Variants in LRRTM3 observed in about 807,000 individuals in gnomAD.
LRRTM3 encodes leucine rich repeat transmembrane neuronal 3.
In LRRTM3, 24 loss-of-function variants were observed where a neutral mutation model predicts 44.7. The ratio of observed to expected loss-of-function variants is 0.54; its 90% CI spans 0.39 to 0.76. LRRTM3 has a LOEUF of 0.76. Ranked by LOEUF, LRRTM3 falls within the 30% of genes least tolerant of loss-of-function variation. The pLI is 0.00. For synonymous variants in LRRTM3, 277 were observed against 278.7 expected (o/e 0.99, Z 0.06); for missense variants, 587 against 702.2 (o/e 0.84, Z 1.85).
chr10:66,931,858 T>C (rs2132643066), intron 2 of LRRTM3, among the ~76,000 whole-genome samples: 1 of 152,350 alleles, frequency 6.6e-6, no homozygotes, highest in African/African-American at 2.4e-5. Flanking sequence ...AGAGTGCTTA[T>C]ACTCATCGAT....
chr10:67,017,725 C>CTGTG (rs10586644), intron 2 of LRRTM3, among the ~76,000 whole-genome samples: 4,975 of 147,960 alleles, frequency 0.034, 125 homozygotes, highest in Non-Finnish European at 0.041. Context: ...CAAAAATCAT[C>CTGTG]TGTGTGTGTG....
intron 2 of LRRTM3, among the ~76,000 whole-genome samples, chr10:67,055,832 C>A (rs566924315): frequency 6.6e-6 from 1 of 152,112 alleles, no homozygotes; most frequent in Non-Finnish European, 1.5e-5. Context: ...ACCTCCATAT[C>A]CCTAATGATA....
At chr10:66,978,065 TATACACACACAC>T (rs1564808018) in intron 2 of LRRTM3, among the ~76,000 whole-genome samples, 1 of 41,728 alleles carries the variant, frequency 2.4e-5, no homozygotes, top group African/African-American at 5.2e-5. Context: ...TATATATATA[TATACACACACAC>T]ACACACACAC....
intron 2 of LRRTM3, among the ~76,000 whole-genome samples, chr10:66,980,502 C>T (rs955810950): frequency 2.4e-5 from 3 of 126,604 alleles, no homozygotes; most frequent in Non-Finnish European, 3.5e-5. Flanking sequence ...CTATTGAGAC[C>T]TTCCTTCTGT....
In LRRTM3 at chr10:67,084,630, A is replaced by G. The variant is rs148689708; in HGVS notation, c.1537-12957A>G. ...ATTCATGATCAGTCCTGCCTTTCCAATCTTACTACTTGGGTAACAGATACT... is the reference window on the plus strand; with the variant it reads ...ATTCATGATCAGTCCTGCCTTTCCAGTCTTACTACTTGGGTAACAGATACT... On this transcript the variant is annotated intron_variant, in intron 2 of 2. Transcript: ENST00000361320. Among the ~76,000 whole-genome samples, 176 of 152,018 alleles carry G rather than the reference A, an allele frequency of 1.2e-3. 2 individuals are homozygous for G. The East Asian group carries it at 0.027, about 24-fold the overall frequency.
chr10:67,051,671 A>T (rs7909959), intron 2 of LRRTM3, among the ~76,000 whole-genome samples: 76,082 of 150,884 alleles, frequency 0.5, 19,540 homozygotes, highest in Middle Eastern at 0.62. Context: ...CCCAAAGTGT[A>T]GGGATTACAG....
At chr10:66,953,045 G>T (rs1848620184) in intron 2 of LRRTM3, among the ~76,000 whole-genome samples, 1 of 151,978 alleles carries the variant, frequency 6.6e-6, no homozygotes, top group Non-Finnish European at 1.5e-5. Flanking sequence ...AGAAAACAGA[G>T]CCTACTGAGA....
intron 2 of LRRTM3, among the ~76,000 whole-genome samples, chr10:67,066,865 T>C (rs1856126589): frequency 6.6e-6 from 1 of 152,224 alleles, no homozygotes; most frequent in South Asian, 2.1e-4. Flanking sequence ...CTGCCTTTAA[T>C]TTAATTTTAA....
rs1399797731 is a variant in LRRTM3, at chr10:67,100,285, G to C, written c.*2489G>C. Among the ~76,000 whole-genome samples, 1 of 151,556 alleles carries C rather than the reference G, an allele frequency of 6.6e-6. No homozygotes were observed. The highest frequency in any genetic ancestry group is 6.6e-5 in the Admixed American group (1 of 15,154). The stretch of plus-strand genomic sequence containing the variant: ...GGAACCACAGCTCTGTGCAACCAAG[G>C]CCCTAAGCTACACCAAATACGCCAG... On this transcript the variant is annotated 3_prime_UTR_variant, in exon 3 of 3. Transcript: ENST00000361320.
chr10:66,941,656 CT>C (rs1848003053), intron 2 of LRRTM3, among the ~76,000 whole-genome samples: 1 of 152,188 alleles, frequency 6.6e-6, no homozygotes, highest in Non-Finnish European at 1.5e-5. Context: ...ATTTGCAGAA[CT>C]CATGATGAGC....
intron 2 of LRRTM3, among the ~76,000 whole-genome samples, chr10:66,974,387 T>C (rs1168110104): frequency 6.6e-6 from 1 of 152,244 alleles, no homozygotes; most frequent in Non-Finnish European, 1.5e-5. Flanking sequence ...CAGCACACTT[T>C]ACGCATTCAC....
chr10:66,935,543 A>G (rs1047029606), intron 2 of LRRTM3, among the ~76,000 whole-genome samples: 7 of 152,042 alleles, frequency 4.6e-5, no homozygotes, highest in Non-Finnish European at 1.0e-4. Flanking sequence ...TTAAAATGGA[A>G]TATTTAAAGA....
chr10:66,937,548 CT>C (rs1434029446), intron 2 of LRRTM3, among the ~76,000 whole-genome samples: 2 of 152,218 alleles, frequency 1.3e-5, no homozygotes, highest in East Asian at 3.9e-4. Context: ...TCCTGGTGGA[CT>C]TTCCGGAAAT....
At chr10:67,053,800 T>C (rs7904436) in intron 2 of LRRTM3, among the ~76,000 whole-genome samples, 3,577 of 152,264 alleles carry the variant, frequency 0.023, 148 homozygotes, top group African/African-American at 0.08. Flanking sequence ...CATTTTCCCA[T>C]TGAGATTAAT....
intron 2 of LRRTM3, among the ~76,000 whole-genome samples, chr10:67,074,809 A>T (rs1385632660): frequency 6.7e-6 from 1 of 148,580 alleles, no homozygotes; most frequent in Non-Finnish European, 1.5e-5. Context: ...TGAACATAAC[A>T]TAATTTATTT....
Position 67,027,724 on chromosome 10 carries a change from C to T in LRRTM3, c.1537-69863C>T, listed in dbSNP as rs373660146. Reference sequence around the variant, plus strand: ...GATTACAGGCATGAGCCACCGTGCCCGGCTGACATTTTCATATAATTGTCC... The same window carrying T: ...GATTACAGGCATGAGCCACCGTGCCTGGCTGACATTTTCATATAATTGTCC... On this transcript the variant is annotated intron_variant, in intron 2 of 2. Coordinates refer to ENST00000361320, the MANE Select transcript of LRRTM3 (RefSeq NM_178011.5). 1.4e-4 allele frequency among the ~76,000 whole-genome samples: 21 copies of T among 152,108 alleles called. No individual in the cohort carries two copies. The East Asian group carries it at 2.3e-3, about 17-fold the overall frequency.
intron 2 of LRRTM3, among the ~76,000 whole-genome samples, chr10:67,051,684 G>A (rs1478044092): frequency 4.0e-5 from 6 of 151,724 alleles, no homozygotes; most frequent in Middle Eastern, 3.4e-3. Context: ...GATTACAGGC[G>A]TGAGCCACTG....
At chr10:66,957,447 T>C (rs1848879316) in intron 2 of LRRTM3, among the ~76,000 whole-genome samples, 2 of 30,202 alleles carry the variant, frequency 6.6e-5, no homozygotes, top group African/African-American at 2.3e-4. Context: ...TATATGCATA[T>C]ATATATATGC....
intron 2 of LRRTM3, among the ~76,000 whole-genome samples, chr10:67,006,350 A>C (rs1183512811): frequency 2.0e-5 from 3 of 152,108 alleles, no homozygotes; most frequent in Non-Finnish European, 4.4e-5. Context: ...ATTGCTAATA[A>C]ACTTTGCAAA....
Sources: gnomAD v4.1 joint callset for allele counts (sites outside exome capture counted in the v4.1 genomes callset) on GRCh38, gnomAD v4.1.1 for gene constraint, MANE v1.5 for transcripts, NCBI Gene and HGNC (gene_info 2026-07-23, HGNC 2026-07-21) for gene names.